Variants in LRGUK observed in about 807,000 individuals in gnomAD.
LRGUK encodes the protein leucine-rich repeat and guanylate kinase domain-containing protein.
LRGUK carries 65 observed loss-of-function variants against 76.0 expected under a neutral mutation model. The ratio of observed to expected loss-of-function variants is 0.85; its 90% confidence interval spans 0.70 to 1.05. The LOEUF (loss-of-function observed/expected upper bound fraction) is 1.05. LRGUK is among the 50% of genes least tolerant of loss of function. The probability of loss-of-function intolerance (pLI) is 0.00; values close to 1 mark genes in which losing one functional copy is unlikely to be tolerated. For missense variants in LRGUK, 758 were observed against 732.8 expected (o/e 1.03, Z -0.40); for synonymous variants, 268 against 265.6 (o/e 1.01, Z -0.09).
rs770700830 is a variant in LRGUK at position 134,255,928 on chromosome 7, TCTATAAA to T, written c.2199-2328_2199-2322del. Among the ~76,000 whole-genome samples, 8 of 152,032 alleles carry T rather than the reference TCTATAAA, an allele frequency of 5.3e-5. No homozygotes were observed. In the South Asian group the frequency reaches 1.7e-3, roughly 32 times the overall value. On this transcript the variant is annotated intron_variant, in intron 18 of 19. Coordinates refer to the LRGUK transcript ENST00000285928. ...ACAGCTGGGGAGGTCAAGAGCACGGTCTATAAATACTTCAATCAGCCACCATCTGGTC... is the reference window on the plus strand; with the variant it reads ...ACAGCTGGGGAGGTCAAGAGCACGGTTACTTCAATCAGCCACCATCTGGTC...
chr7:134,154,677 C>T (rs927492013), intron 5 of LRGUK, among the ~76,000 whole-genome samples: 7 of 152,232 alleles, frequency 4.6e-5, no homozygotes, highest in African/African-American at 1.7e-4. Context: ...GCAACTCCTG[C>T]TCCTTTGCCC....
intron 16 of LRGUK, among the ~76,000 whole-genome samples, chr7:134,232,879 G>A (rs138689318): frequency 2.0e-5 from 3 of 151,624 alleles, no homozygotes; most frequent in African/African-American, 7.3e-5. Context: ...ATCTTAAATG[G>A]TACTTTTCTG....
chr7:134,220,688 C>A (rs1393541364), intron 15 of LRGUK, among the ~76,000 whole-genome samples: 1 of 151,882 alleles, frequency 6.6e-6, no homozygotes, highest in Non-Finnish European at 1.5e-5. Flanking sequence ...CCCACCTTAG[C>A]CTGCCAATTA....
At chr7:134,276,279 T>C in the LRGUK span, among the ~76,000 whole-genome samples, 1 of 152,256 alleles carries the variant, frequency 6.6e-6, no homozygotes, top group African/African-American at 2.4e-5. Flanking sequence ...AGGCGTGATT[T>C]GACAGGCATG....
intron 6 of LRGUK, among the ~76,000 whole-genome samples, chr7:134,160,936 C>G (rs1798701495): frequency 6.6e-6 from 1 of 152,166 alleles, no homozygotes; most frequent in South Asian, 2.1e-4. Context: ...AAGAGTTTAA[C>G]TAGATAGCTT....
At chr7:134,198,539 G>A (rs1270975573) in intron 13 of LRGUK, among the ~76,000 whole-genome samples, 2 of 152,254 alleles carry the variant, frequency 1.3e-5, no homozygotes, top group East Asian at 3.8e-4. Context: ...GATTGAGATG[G>A]ACGGGACTTT....
chr7:134,218,281 G>T (rs1801489569), intron 15 of LRGUK, among the ~76,000 whole-genome samples: 1 of 152,166 alleles, frequency 6.6e-6, no homozygotes, highest in South Asian at 2.1e-4. Flanking sequence ...TTCTGAAGTT[G>T]TCTGTGCATC....
At chr7:134,259,273 TAAA>T (rs1802661846) in intron 19 of LRGUK, among the ~76,000 whole-genome samples, 2 of 151,954 alleles carry the variant, frequency 1.3e-5, no homozygotes, top group Non-Finnish European at 2.9e-5. Flanking sequence ...TAACACTGAG[TAAA>T]GACCTTGAAC....
intron 10 of LRGUK, among the ~76,000 whole-genome samples, chr7:134,183,462 CA>C (rs1799844491): frequency 6.6e-6 from 1 of 152,098 alleles, no homozygotes. Context: ...TCACTCTAGC[CA>C]TCAAGAACCA....
At chr7:134,259,264 AAC>A (rs1802661232) in intron 19 of LRGUK, among the ~76,000 whole-genome samples, 2 of 152,200 alleles carry the variant, frequency 1.3e-5, no homozygotes, top group Non-Finnish European at 2.9e-5. Flanking sequence ...GTTCACAAAT[AAC>A]ACTGAGTAAA....
intron 15 of LRGUK, among the ~76,000 whole-genome samples, chr7:134,215,614 A>C (rs4728312): frequency 0.048 from 7,295 of 152,166 alleles, 385 homozygotes; most frequent in East Asian, 0.15. Context: ...TAAAAAAAAA[A>C]GGCACTTGAG....
intron 6 of LRGUK, among the ~76,000 whole-genome samples, chr7:134,159,680 T>C (rs1472107165): frequency 6.6e-6 from 1 of 152,018 alleles, no homozygotes; most frequent in African/African-American, 2.4e-5. Flanking sequence ...TCCCAGCTAC[T>C]CGGGAGGCTG....
intron 15 of LRGUK, among the ~76,000 whole-genome samples, chr7:134,207,336 A>G (rs1801052584): frequency 6.6e-6 from 1 of 152,146 alleles, no homozygotes; most frequent in Non-Finnish European, 1.5e-5. Context: ...ACTCCTGGTA[A>G]CCTCGAATCT....
At chr7:134,193,365 T>C (rs1287763060) in intron 12 of LRGUK, among the ~76,000 whole-genome samples, 1 of 152,218 alleles carries the variant, frequency 6.6e-6, no homozygotes, top group Non-Finnish European at 1.5e-5. Context: ...AAATTAATGT[T>C]AATTTATCTT....
chr7:134,245,698 A>G (rs1802283167), intron 16 of LRGUK, among the ~76,000 whole-genome samples: 1 of 152,224 alleles, frequency 6.6e-6, no homozygotes, highest in African/African-American at 2.4e-5. Context: ...AATAAGGGAA[A>G]AAGTAAGGGC....
downstream of LRGUK, among the ~76,000 whole-genome samples, chr7:134,210,521 C>T (rs1476234959): frequency 6.7e-6 from 1 of 149,190 alleles, no homozygotes; most frequent in East Asian, 1.9e-4. Flanking sequence ...AAATAAAACT[C>T]CCGTCAATGG....
At chr7:134,228,955 G>A (rs1390274156) in intron 16 of LRGUK, among the ~76,000 whole-genome samples, 1 of 152,060 alleles carries the variant, frequency 6.6e-6, no homozygotes, top group East Asian at 1.9e-4. Flanking sequence ...GCATAAACAA[G>A]AAATAAATAG....
chr7:134,273,566 C>T, the LRGUK span, among the ~76,000 whole-genome samples: 37 of 151,568 alleles, frequency 2.4e-4, no homozygotes, highest in African/African-American at 9.0e-4. Context: ...GTTTGAGAAC[C>T]GCTGCTCCAC....
rs73441382 is a variant in LRGUK at position 134,245,977 on chromosome 7, T to C, written c.1984-1579T>C. The stretch of plus-strand genomic sequence containing the variant: ...TTACATCCTCCCCTGACTTTCCCAA[T>C]ACAATTTTCTCCTCATCTTGTTTAC... On this transcript the variant is annotated intron_variant, in intron 16 of 19. Coordinates refer to the LRGUK transcript ENST00000285928. 3.0e-3 allele frequency among the ~76,000 whole-genome samples: 455 copies of C among 152,314 alleles called. 2 individuals carry two copies. The highest frequency in any genetic ancestry group is 0.011 in the African/African-American group (438 of 41,576).
Sources: allele counts gnomAD v4.1 joint callset (sites outside exome capture counted in the v4.1 genomes callset), GRCh38; gene constraint gnomAD v4.1.1; transcripts MANE v1.5; gene names NCBI Gene and HGNC (gene_info 2026-07-23, HGNC 2026-07-21).